The following LIPA variants were observed in gnomAD, a reference collection of about 807,000 sequenced individuals.
LIPA encodes lipase A, lysosomal acid type.
A neutral mutation model predicts 40.6 loss-of-function variants in LIPA; 26 were observed. The ratio of observed to expected loss-of-function variants is 0.64; its 90% CI spans 0.47 to 0.89. The LOEUF is 0.89. LIPA is among the 40% of genes least tolerant of loss of function. The pLI, the probability that LIPA is intolerant of heterozygous loss-of-function variation, is 0.00. For synonymous variants in LIPA, 188 were observed against 168.4 expected (o/e 1.12, Z -0.90); for missense variants, 455 against 479.6 (o/e 0.95, Z 0.48).
At chr10:89,385,594 A>G (rs1295781015) in intron 2 of LIPA, among the ~76,000 whole-genome samples, 3 of 152,372 alleles carry the variant, frequency 2.0e-5, no homozygotes, top group Middle Eastern at 3.4e-3. Context: ...ACCTAAGAGT[A>G]AAATAAATGA....
chr10:89,243,104 A>G (rs998384151), intron 3 of LIPA, among the ~76,000 whole-genome samples: 38 of 152,220 alleles, frequency 2.5e-4, no homozygotes, highest in Non-Finnish European at 5.9e-5. Context: ...GCATGAGAAG[A>G]GGACGCGTTT....
chr10:89,383,250 G>A, intron 2 of LIPA: 1 of 1,364,150 alleles, frequency 7.3e-7, no homozygotes, highest in Non-Finnish European at 1.0e-6. Context: ...ACTATTTGAA[G>A]TGCTGGCTTC....
chr10:89,295,879 C>T (rs551170341), intron 1 of LIPA, among the ~76,000 whole-genome samples: 1 of 152,190 alleles, frequency 6.6e-6, no homozygotes, highest in Non-Finnish European at 1.5e-5. Flanking sequence ...CATGCATAGT[C>T]TCACACTAAC....
At chr10:89,412,953 A>C in intron 1 of LIPA, 1 of 220,050 alleles carries the variant, frequency 4.5e-6, no homozygotes, top group Admixed American at 5.6e-5. Context: ...ACACACCATC[A>C]CCTACGTATT....
rs201316227 is a variant in LIPA at position 89,383,498 on chromosome 10, A to C, written c.61+29293T>G. 7.2e-5 allele frequency: 116 copies of C among 1,614,224 alleles called. No individual in the cohort carries two copies. In the East Asian group the frequency reaches 2.3e-3, roughly 33 times the overall value. On this transcript the variant is annotated intron_variant, in intron 2 of 8. Coordinates refer to the LIPA transcript ENST00000371837. ...ATACACAACCTACTAGCCTATGTGAAACACCTGAAAGGCCAGAATGAGGAA... is the reference window on the plus strand; with the variant it reads ...ATACACAACCTACTAGCCTATGTGACACACCTGAAAGGCCAGAATGAGGAA...
chr10:89,351,332 T>C (rs1368115541), intron 2 of LIPA, among the ~76,000 whole-genome samples: 1 of 152,198 alleles, frequency 6.6e-6, no homozygotes, highest in Non-Finnish European at 1.5e-5. Context: ...AAATCTTTAA[T>C]GCACAGAATG....
intron 7 of LIPA, among the ~76,000 whole-genome samples, chr10:89,223,002 A>G (rs1387401352): frequency 2.0e-5 from 3 of 152,178 alleles, no homozygotes; most frequent in Admixed American, 6.5e-5. Context: ...ACTAACAAAC[A>G]TATTTAGAAA....
chr10:89,321,229 A>C (rs559326698), intron 1 of LIPA, among the ~76,000 whole-genome samples: 3 of 152,202 alleles, frequency 2.0e-5, no homozygotes, highest in South Asian at 4.1e-4. Flanking sequence ...GGATCTAATT[A>C]AACTAAAGAG....
chr10:89,406,771 G>T (rs1379132170), intron 2 of LIPA, among the ~76,000 whole-genome samples: 2 of 152,022 alleles, frequency 1.3e-5, no homozygotes, highest in South Asian at 2.1e-4. Context: ...TCACTGTGAG[G>T]GTCCGCAGCT....
At chr10:89,400,403 G>A (rs942898255) in intron 2 of LIPA, among the ~76,000 whole-genome samples, 1 of 152,082 alleles carries the variant, frequency 6.6e-6, no homozygotes, top group Non-Finnish European at 1.5e-5. Flanking sequence ...TCTAATCCAC[G>A]AACAAAGGAT....
In LIPA at chr10:89,311,592, A is replaced by G. The variant is rs990917945; in HGVS notation, c.-2+31019T>C. Among the ~76,000 whole-genome samples the G allele has an allele frequency of 4.6e-5, 7 of 151,966 alleles. No homozygotes were observed. The East Asian group carries it at 9.6e-4, about 21-fold the overall frequency. On this transcript the variant is annotated intron_variant, in intron 1 of 5. Coordinates refer to the LIPA transcript ENST00000282673. ...TTTTTGCATTTAGTGAAACACCTAC[A>G]TAAGTTGGAGCTTTAAAACATATGT...
intron 8 of LIPA, 130 bp downstream of exon 8, chr10:89,222,381 A>G: frequency 1.4e-6 from 1 of 731,698 alleles, no homozygotes; most frequent in Non-Finnish European, 2.5e-6. Flanking sequence ...ACAAAAACCC[A>G]GGACTCTGGG....
At chr10:89,224,392 T>C (rs1441074686) in intron 6 of LIPA, among the ~76,000 whole-genome samples, 2 of 152,232 alleles carry the variant, frequency 1.3e-5, no homozygotes, top group Non-Finnish European at 2.9e-5. Flanking sequence ...GCCTAGGAGA[T>C]TCCATCTTTC....
At chr10:89,376,920 A>T (rs143739219) in intron 2 of LIPA, among the ~76,000 whole-genome samples, 1 of 152,316 alleles carries the variant, frequency 6.6e-6, no homozygotes, top group East Asian at 1.9e-4. Context: ...GCGAGGCTAC[A>T]GTTTCATTTG....
chr10:89,218,703 C>T (rs1842659173), intron 8 of LIPA, among the ~76,000 whole-genome samples: 1 of 152,198 alleles, frequency 6.6e-6, no homozygotes, highest in African/African-American at 2.4e-5. Flanking sequence ...GAGGACAACA[C>T]CCCGAGGATG....
chr10:89,226,190 TCC>T (rs1842768139), intron 5 of LIPA, among the ~76,000 whole-genome samples: 1 of 152,158 alleles, frequency 6.6e-6, no homozygotes, highest in Non-Finnish European at 1.5e-5. Flanking sequence ...TCCATTTTTT[TCC>T]TGGCAATATA....
chr10:89,408,929 G>A (rs910166135), intron 2 of LIPA, among the ~76,000 whole-genome samples: 4 of 152,174 alleles, frequency 2.6e-5, no homozygotes, highest in Non-Finnish European at 4.4e-5. Context: ...CTCAGATCAT[G>A]GGGACTGGAG....
chr10:89,272,344 C>A (rs200454136), intron 1 of LIPA, among the ~76,000 whole-genome samples: 2 of 151,958 alleles, frequency 1.3e-5, no homozygotes, highest in African/African-American at 4.8e-5. Flanking sequence ...TGAGAACATG[C>A]GGTATTTGGT....
At chr10:89,324,322 C>T (rs1001541659) in intron 1 of LIPA, among the ~76,000 whole-genome samples, 3 of 152,114 alleles carry the variant, frequency 2.0e-5, no homozygotes, top group Non-Finnish European at 4.4e-5. Context: ...ACTGGCTAGC[C>T]ATATATAGAA....
Sources: gnomAD v4.1 joint callset for allele counts (sites outside exome capture counted in the v4.1 genomes callset) on GRCh38, gnomAD v4.1.1 for gene constraint, MANE v1.5 for transcripts, NCBI Gene and HGNC (gene_info 2026-07-23, HGNC 2026-07-21) for gene names.